Variants in FRMD4B observed in about 807,000 individuals in gnomAD.
FRMD4B encodes FERM domain containing 4B.
In FRMD4B, 74 loss-of-function variants were observed where a neutral mutation model predicts 141.5. That is an observed-to-expected ratio of 0.52 (90% CI 0.43 to 0.63). FRMD4B has a LOEUF of 0.63. Among genes scored for constraint, FRMD4B ranks in the 30% least tolerant of loss-of-function variants. The pLI, the probability that FRMD4B is intolerant of heterozygous loss-of-function variation, is 0.00. For synonymous variants in FRMD4B, 506 were observed against 467.9 expected (o/e 1.08, Z -1.05); for missense variants, 1,366 against 1,253.4 (o/e 1.09, Z -1.36).
intron 2 of FRMD4B, among the ~76,000 whole-genome samples, chr3:69,401,226 T>C (rs997247876): frequency 6.6e-6 from 1 of 152,166 alleles, no homozygotes; most frequent in East Asian, 1.9e-4. Flanking sequence ...AAGTAGAACA[T>C]CCAAATTAAT....
intron 11 of FRMD4B, among the ~76,000 whole-genome samples, chr3:69,202,569 A>G (rs1433473275): frequency 6.6e-6 from 1 of 152,140 alleles, no homozygotes; most frequent in Non-Finnish European, 1.5e-5. Flanking sequence ...ATCATTATAT[A>G]AGCATAATAA....
intron 4 of FRMD4B, among the ~76,000 whole-genome samples, 160 bp downstream of exon 4, chr3:69,302,183 T>C (rs577827579): frequency 1.3e-5 from 2 of 152,344 alleles, no homozygotes; most frequent in East Asian, 1.9e-4. Flanking sequence ...ACCAAGACAG[T>C]AGAGAATCTC....
chr3:69,365,731 C>T (rs1363859480), intron 1 of FRMD4B, among the ~76,000 whole-genome samples: 2 of 152,142 alleles, frequency 1.3e-5, no homozygotes, highest in African/African-American at 4.8e-5. Context: ...CTCTTGACTT[C>T]AAGTGATACA....
At chr3:69,228,856 G>T (rs1332860784) in intron 7 of FRMD4B, among the ~76,000 whole-genome samples, 1 of 151,534 alleles carries the variant, frequency 6.6e-6, no homozygotes, top group African/African-American at 2.4e-5. Flanking sequence ...AAAAAGAATG[G>T]AGAGAAGATG....
chr3:69,430,461 G>T (rs1181828641), intron 2 of FRMD4B, among the ~76,000 whole-genome samples: 2 of 152,160 alleles, frequency 1.3e-5, no homozygotes, highest in Non-Finnish European at 2.9e-5. Flanking sequence ...TGAGCCTCTA[G>T]CACTGTTGTA....
At chr3:69,180,752 G>A (rs1182389555) in intron 21 of FRMD4B, 147 bp downstream of exon 21, 1 of 612,394 alleles carries the variant, frequency 1.6e-6, no homozygotes, top group Non-Finnish European at 2.9e-6. Context: ...TTTTTAAGTT[G>A]GAAATTCTTA....
At chr3:69,267,776 G>T (rs910505892) in intron 5 of FRMD4B, among the ~76,000 whole-genome samples, 2 of 150,318 alleles carry the variant, frequency 1.3e-5, no homozygotes, top group Non-Finnish European at 2.9e-5. Context: ...TGAATTACAG[G>T]CATGCACCAC....
At chr3:69,385,078 A>C (rs1490480156) in intron 1 of FRMD4B, among the ~76,000 whole-genome samples, 1 of 152,088 alleles carries the variant, frequency 6.6e-6, no homozygotes, top group African/African-American at 2.4e-5. Flanking sequence ...AAAAAAAAAA[A>C]AAGAAATCCA....
At chr3:69,409,666 A>C (rs1456787225) in intron 2 of FRMD4B, among the ~76,000 whole-genome samples, 1 of 152,182 alleles carries the variant, frequency 6.6e-6, no homozygotes, top group East Asian at 1.9e-4. Context: ...ATGTGAGGGG[A>C]CCTGGGACAG....
At chr3:69,218,425 G>A (rs1232317154) in intron 9 of FRMD4B, 46 bp from the exon 10 acceptor site, 1 of 849,078 alleles carries the variant, frequency 1.2e-6, no homozygotes, top group Admixed American at 2.5e-5. Context: ...AATAGTTAGA[G>A]GACCCTTTTG....
chr3:69,314,113 T>C (rs1701709549), intron 1 of FRMD4B, among the ~76,000 whole-genome samples: 1 of 98,686 alleles, frequency 1.0e-5, no homozygotes, highest in Non-Finnish European at 1.8e-5. Flanking sequence ...CACTCCAGCC[T>C]GGGCGACAGA....
At chr3:69,239,643 A>G (rs2093367859) in intron 7 of FRMD4B, among the ~76,000 whole-genome samples, 1 of 152,206 alleles carries the variant, frequency 6.6e-6, no homozygotes, top group African/African-American at 2.4e-5. Context: ...TGTTAAATTC[A>G]TAGAGACAGA....
intron 11 of FRMD4B, among the ~76,000 whole-genome samples, chr3:69,201,053 A>G (rs1326319549): frequency 1.3e-5 from 2 of 152,372 alleles, no homozygotes; most frequent in East Asian, 3.9e-4. Flanking sequence ...TAAAAGGCGA[A>G]GGACTTCAGC....
At chr3:69,201,994 A>T (rs1163733432) in intron 11 of FRMD4B, among the ~76,000 whole-genome samples, 2 of 152,178 alleles carry the variant, frequency 1.3e-5, no homozygotes, top group Admixed American at 6.6e-5. Flanking sequence ...ACCTGAGGTC[A>T]GGAGTTCGGG....
intron 1 of FRMD4B, among the ~76,000 whole-genome samples, chr3:69,472,914 A>G (rs1423110924): frequency 7.7e-6 from 1 of 130,488 alleles, no homozygotes; most frequent in Non-Finnish European, 1.7e-5. Flanking sequence ...CAAGGCTTCA[A>G]GTGAGTCTTT....
At chr3:69,333,362 A>G (rs959184859) in intron 1 of FRMD4B, among the ~76,000 whole-genome samples, 1 of 152,212 alleles carries the variant, frequency 6.6e-6, no homozygotes, top group Non-Finnish European at 1.5e-5. Context: ...AGAAAAGGGA[A>G]TCCCGTGGTG....
At chr3:69,325,479 C>T (rs1702162235) in intron 1 of FRMD4B, among the ~76,000 whole-genome samples, 1 of 152,140 alleles carries the variant, frequency 6.6e-6, no homozygotes. Context: ...AGAAGCAAAG[C>T]AACTTATTAA....
chr3:69,302,222 C>G, intron 4 of FRMD4B, 121 bp downstream of exon 4: 1 of 665,414 alleles, frequency 1.5e-6, no homozygotes, highest in South Asian at 1.8e-5. Context: ...TGATAGGTCT[C>G]TTCTCTTTTT....
At chr3:69,416,894 T>C (rs1575794903) in intron 2 of FRMD4B, among the ~76,000 whole-genome samples, 1 of 152,342 alleles carries the variant, frequency 6.6e-6, no homozygotes, top group East Asian at 1.9e-4. Flanking sequence ...TTCTTTTTTA[T>C]GGCTGCATAG....
Sources: gnomAD v4.1 joint callset for allele counts (sites outside exome capture counted in the v4.1 genomes callset) on GRCh38, gnomAD v4.1.1 for gene constraint, MANE v1.5 for transcripts, NCBI Gene and HGNC (gene_info 2026-07-23, HGNC 2026-07-21) for gene names.